Variants in FOCAD observed in about 807,000 individuals in gnomAD.
FOCAD encodes KIAA1797.
Under a neutral mutation model 225.6 loss-of-function variants are expected in FOCAD, and 198 were observed. That is an observed-to-expected ratio of 0.88 (90% CI 0.78 to 0.99). The LOEUF (loss-of-function observed/expected upper bound fraction) is 0.99. Ranked by LOEUF, FOCAD falls within the 50% of genes least tolerant of loss-of-function variation. The pLI is 0.00. For synonymous variants in FOCAD, 897 were observed against 755.0 expected (o/e 1.19, Z -3.08); for missense variants, 2,713 against 2,123.6 (o/e 1.28, Z -5.46).
chr9:20,806,981 A>C (rs1432488161), intron 11 of FOCAD, among the ~76,000 whole-genome samples: 1 of 152,194 alleles, frequency 6.6e-6, no homozygotes, highest in East Asian at 1.9e-4. Flanking sequence ...GTAATATTTC[A>C]AAATATATTA....
chr9:20,971,070 G>C (rs1425840106), intron 35 of FOCAD, among the ~76,000 whole-genome samples: 1 of 152,092 alleles, frequency 6.6e-6, no homozygotes, highest in Non-Finnish European at 1.5e-5. Flanking sequence ...TGTAAAGTTT[G>C]TCTGTCTTCT....
At chr9:20,718,326 C>G (rs574223495) in intron 3 of FOCAD, among the ~76,000 whole-genome samples, 2 of 152,278 alleles carry the variant, frequency 1.3e-5, no homozygotes, top group South Asian at 4.1e-4. Context: ...CTGAAAAATT[C>G]CATCTTACAC....
intron 16 of FOCAD, 26 bp downstream of exon 16, chr9:20,862,738 G>A (rs1421965071): frequency 1.3e-6 from 2 of 1,594,096 alleles, no homozygotes; most frequent in East Asian, 2.3e-5. Flanking sequence ...TCAGCACATT[G>A]CCTGCTTCTT....
rs1356911538 is a variant in FOCAD, at chr9:20,929,561, G to A, written c.3282G>A (p.Gly1094=). The A allele has an allele frequency of 4.3e-6, 7 of 1,614,064 alleles. No individual in the cohort carries two copies. The East Asian group carries it at 1.6e-4, about 36-fold the overall frequency. ...AAATCCACATGGGCCTTGCTTTAGGGATGTTTCTCTCTCGCTTGTGTGAAG... is the reference window on the plus strand; with the variant it reads ...AAATCCACATGGGCCTTGCTTTAGGAATGTTTCTCTCTCGCTTGTGTGAAG... ...AVQIHMGLAL[G]MFLSRLCEEK... The change falls in exon 27 of 44, where the codon GGG becomes GGA. Residue 1094 remains glycine, a synonymous_variant. Coordinates refer to ENST00000338382, the MANE Select transcript of FOCAD (RefSeq NM_001375567.1).
intron 11 of FOCAD, among the ~76,000 whole-genome samples, chr9:20,791,585 C>G (rs1418121414): frequency 2.0e-5 from 3 of 152,060 alleles, no homozygotes; most frequent in African/African-American, 4.8e-5. Context: ...AGTTTCTTTC[C>G]TCTGTGAATT....
In FOCAD at chr9:20,962,516, T is replaced by G. The variant is rs147523233; in HGVS notation, c.4132+9451T>G. Among the ~76,000 whole-genome samples, 382 of 152,138 alleles carry G rather than the reference T, an allele frequency of 2.5e-3. 3 individuals are homozygous for G. Among genetic ancestry groups the G allele is most frequent in the African/African-American group, 8.7e-3 (359 of 41,490 alleles). ...CATTTAGCTGGAGAAAGTAAAGATATGTCCAAACCACAAAAGCAATATGCT... is the reference window on the plus strand; with the variant it reads ...CATTTAGCTGGAGAAAGTAAAGATAGGTCCAAACCACAAAAGCAATATGCT... On this transcript the variant is annotated intron_variant, in intron 35 of 43. Coordinates refer to ENST00000338382, the MANE Select transcript of FOCAD (RefSeq NM_001375567.1).
intron 11 of FOCAD, among the ~76,000 whole-genome samples, chr9:20,806,667 A>C (rs1280292078): frequency 6.6e-6 from 1 of 152,192 alleles, no homozygotes; most frequent in Non-Finnish European, 1.5e-5. Context: ...TGCAAATGCT[A>C]GTTTTTTACA....
intron 1 of FOCAD, 179 bp downstream of exon 1, chr9:20,684,472 G>C (rs1822537042): frequency 6.5e-6 from 1 of 152,926 alleles, no homozygotes; most frequent in African/African-American, 2.4e-5. Context: ...GCGGCGAGGG[G>C]CAGCCGGGAG....
intron 11 of FOCAD, among the ~76,000 whole-genome samples, chr9:20,806,372 G>T (rs1378358093): frequency 1.3e-5 from 2 of 152,036 alleles, no homozygotes; most frequent in African/African-American, 2.4e-5. Flanking sequence ...TGCATGCTTT[G>T]TTCAGCCCAA....
At chr9:20,727,992 T>C (rs1826349273) in intron 4 of FOCAD, among the ~76,000 whole-genome samples, 1 of 152,160 alleles carries the variant, frequency 6.6e-6, no homozygotes, top group Non-Finnish European at 1.5e-5. Context: ...ACGTGAGCAG[T>C]GTTTAGTGTT....
At chr9:20,953,288 G>GAA (rs1367654556) in intron 35 of FOCAD, among the ~76,000 whole-genome samples, 1 of 152,140 alleles carries the variant, frequency 6.6e-6, no homozygotes, top group African/African-American at 2.4e-5. Flanking sequence ...CACTGTCTCC[G>GAA]ACCATGGGTG....
At chr9:20,798,476 C>G (rs1039609585) in intron 11 of FOCAD, among the ~76,000 whole-genome samples, 1 of 152,140 alleles carries the variant, frequency 6.6e-6, no homozygotes, top group African/African-American at 2.4e-5. Flanking sequence ...GCATCTGGTC[C>G]TGGACTTTTT....
intron 5 of FOCAD, among the ~76,000 whole-genome samples, chr9:20,750,009 A>T (rs1828403251): frequency 6.6e-6 from 1 of 152,134 alleles, no homozygotes; most frequent in African/African-American, 2.4e-5. Flanking sequence ...CATGTACTGT[A>T]CTGCTCTGTG....
chr9:20,872,239 G>C (rs1448713418), intron 18 of FOCAD, among the ~76,000 whole-genome samples: 1 of 152,038 alleles, frequency 6.6e-6, no homozygotes, highest in Admixed American at 6.6e-5. Flanking sequence ...TTGATGGGTT[G>C]GTCAGTTTGC....
At chr9:20,662,286 A>T (rs1436762067) in intron 2 of FOCAD, among the ~76,000 whole-genome samples, 4 of 152,184 alleles carry the variant, frequency 2.6e-5, no homozygotes, top group African/African-American at 4.8e-5. Flanking sequence ...ACAAGGAATT[A>T]ATTACTGCCC....
chr9:20,747,740 C>T (rs1828173085), intron 5 of FOCAD, among the ~76,000 whole-genome samples: 1 of 151,414 alleles, frequency 6.6e-6, no homozygotes, highest in South Asian at 2.1e-4. Context: ...ATCCATACTT[C>T]ATTCCTTTTA....
intron 1 of FOCAD, among the ~76,000 whole-genome samples, chr9:20,687,122 A>G (rs1340520960): frequency 6.6e-6 from 1 of 152,002 alleles, no homozygotes; most frequent in Non-Finnish European, 1.5e-5. Context: ...TATTTTGAAG[A>G]TGTTCCAAAA....
At chr9:20,759,879 G>C (rs1423554374) in intron 6 of FOCAD, among the ~76,000 whole-genome samples, 6 of 152,182 alleles carry the variant, frequency 3.9e-5, no homozygotes, top group African/African-American at 1.4e-4. Flanking sequence ...TAATGAGTTA[G>C]TCTCTCCATT....
chr9:20,728,168 C>T (rs977954362), intron 4 of FOCAD, among the ~76,000 whole-genome samples: 5 of 152,098 alleles, frequency 3.3e-5, no homozygotes, highest in Admixed American at 6.6e-5. Flanking sequence ...GAATCTTCAA[C>T]GTCATAATTG....
Sources: allele counts gnomAD v4.1 joint callset (sites outside exome capture counted in the v4.1 genomes callset), GRCh38; gene constraint gnomAD v4.1.1; transcripts MANE v1.5; gene names NCBI Gene and HGNC (gene_info 2026-07-23, HGNC 2026-07-21).